The following CRELD1 variants were observed in gnomAD, a reference collection of about 807,000 sequenced individuals.
CRELD1 encodes the protein CRELD disulfide isomerase 1, also known as protein disulfide isomerase CRELD1.
In CRELD1, 42 loss-of-function variants were observed where a neutral mutation model predicts 58.2. The observed-to-expected ratio is 0.72, with a 90% CI of 0.56 to 0.93. The LOEUF is 0.93. CRELD1 is among the 40% of genes least tolerant of loss of function. The pLI is 0.00. For missense variants in CRELD1, 500 were observed against 540.6 expected, an observed-to-expected ratio of 0.92 and a Z score of 0.74; for synonymous variants, 222 against 202.0, an observed-to-expected ratio of 1.10 and a Z score of -0.84.
rs927569038 is a variant in CRELD1 at position 9,945,361 on chromosome 3, A to G, written c.*782A>G. 6.6e-6 allele frequency: 1 copy of G among 152,528 alleles called. No individual in the cohort carries two copies. The highest frequency in any genetic ancestry group is 1.5e-5 in the Non-Finnish European group (1 of 68,248). 9.4% of individuals were successfully genotyped at this position (152,528 alleles called of 1,614,324 possible). ...TGTGAAGACCTGGACAGTACACAAC[A>G]GATATTCAATAAAAGTGTGGTCGCC... On this transcript the variant is annotated 3_prime_UTR_variant, in exon 11 of 11. Coordinates refer to ENST00000452070, the MANE Select transcript of CRELD1 (RefSeq NM_001077415.3).
intron 10 of CRELD1, chr3:9,944,034 A>G (rs1459158499): frequency 2.4e-6 from 2 of 845,360 alleles, no homozygotes; most frequent in Admixed American, 3.4e-5. Flanking sequence ...CTATATGGCA[A>G]GCAAGTCGCA....
At chr3:9,939,475 T>C (rs2085286903) in intron 5 of CRELD1, among the ~76,000 whole-genome samples, 1 of 152,200 alleles carries the variant, frequency 6.6e-6, no homozygotes, top group Non-Finnish European at 1.5e-5. Flanking sequence ...CAGAGGACCC[T>C]GCGGCCTTCC....
chr3:9,940,651 G>A (rs905299630), intron 5 of CRELD1, among the ~76,000 whole-genome samples, 199 bp from the exon 6 acceptor site: 2 of 124,050 alleles, frequency 1.6e-5, no homozygotes, highest in Non-Finnish European at 3.6e-5. Context: ...ATCAGAGGGA[G>A]ACCGTGTAAA....
chr3:9,936,383 T>A (rs1280512586), intron 3 of CRELD1: 1 of 152,130 alleles, frequency 6.6e-6, no homozygotes, highest in Non-Finnish European at 1.5e-5. Context: ...CTTGCTTTTT[T>A]AAATCACCTC....
At chr3:9,941,261 C>T in intron 7 of CRELD1, 55 bp downstream of exon 7, 2 of 1,482,486 alleles carry the variant, frequency 1.3e-6, no homozygotes, top group Admixed American at 1.8e-5. Context: ...GGGCTTGGTC[C>T]TTTATTCTCT....
intron 10 of CRELD1, 185 bp downstream of exon 10, chr3:9,943,700 T>G: frequency 5.1e-6 from 5 of 985,336 alleles, no homozygotes; most frequent in Non-Finnish European, 6.0e-6. Context: ...CCTTATACCT[T>G]CCAGGGTACA....
chr3:9,938,872 G>T lies in CRELD1; in HGVS notation c.460+766G>T, dbSNP rs529037941. The stretch of plus-strand genomic sequence containing the variant: ...GAGACTCTGTCTCAAAAAAAAAAAA[G>T]AAAATATTTGGTCCAGTGGCTCGTA... On this transcript the variant is annotated intron_variant, in intron 5 of 10. Coordinates refer to ENST00000452070, the MANE Select transcript of CRELD1 (RefSeq NM_001077415.3). Among the ~76,000 whole-genome samples the T allele has an allele frequency of 1.6e-3, 232 of 149,146 alleles. 1 individual carries two copies. Among genetic ancestry groups the T allele is most frequent in the African/African-American group, 5.5e-3 (222 of 40,260 alleles).
chr3:9,939,939 G>C (rs2085303710), intron 5 of CRELD1, among the ~76,000 whole-genome samples: 1 of 151,866 alleles, frequency 6.6e-6, no homozygotes, highest in African/African-American at 2.4e-5. Flanking sequence ...CCTCCCGGAC[G>C]GGGCGGCTGG....
chr3:9,934,915 C>T lies in CRELD1; in HGVS notation c.255C>T (p.Asp85=), dbSNP rs939488890. 2 of 1,609,428 alleles carry T rather than the reference C, an allele frequency of 1.2e-6. No homozygotes were observed. Among genetic ancestry groups the T allele is most frequent in the Non-Finnish European group, 1.7e-6 (2 of 1,177,684 alleles). ...WEEENLSKYK[D]SETRLVEVLE... is the part of the protein sequence containing the mutation. ...AAGAGAATTTGTCCAAATACAAAGA[C>T]AGGTAAGGGGCTGCTGGGGGAAGGG... The change falls in exon 3 of 11, where the codon GAC becomes GAT. Residue 85 remains aspartate (D), a splice_region_variant and synonymous_variant. Coordinates refer to ENST00000452070, the MANE Select transcript of CRELD1 (RefSeq NM_001077415.3).
intron 5 of CRELD1, among the ~76,000 whole-genome samples, chr3:9,939,988 G>C (rs1230576147): frequency 6.6e-6 from 1 of 152,078 alleles, no homozygotes; most frequent in Admixed American, 6.5e-5. Flanking sequence ...CCTCCCGGAC[G>C]GGCTGGCTGC....
chr3:9,934,485 G>T lies in CRELD1; in HGVS notation c.47G>T (p.Gly16Val). The T allele has an allele frequency of 4.3e-6, 7 of 1,613,646 alleles. No homozygotes were observed. The highest frequency in any genetic ancestry group is 1.3e-5 in the African/African-American group (1 of 74,994). Residue 16 changes from glycine to valine, a missense_variant, in exon 2 of 11, where the codon GGC becomes GTC. Coordinates refer to ENST00000452070, the MANE Select transcript of CRELD1 (RefSeq NM_001077415.3). ...PKGLVPAMLW[G>V]LSLFLNLPGP... ...GGCCTAGTCCCAGCTATGCTCTGGGGCCTCAGCCTCTTCCTCAACCTCCCA... is the reference window on the plus strand; with the variant it reads ...GGCCTAGTCCCAGCTATGCTCTGGGTCCTCAGCCTCTTCCTCAACCTCCCA...
chr3:9,937,469 T>C lies in CRELD1; in HGVS notation c.258-93T>C, dbSNP rs2085225875. On this transcript the variant is annotated intron_variant, in intron 3 of 10. Coordinates refer to ENST00000452070, the MANE Select transcript of CRELD1 (RefSeq NM_001077415.3). ...ATACCTCATGGCCTCTCCTTTGATA[T>C]TTTCACCGCACGAGGAAGGGTGGAG... 14 of 852,992 alleles carry C rather than the reference T, an allele frequency of 1.6e-5. No individual in the cohort carries two copies. In the East Asian group the frequency reaches 3.3e-4, roughly 20 times the overall value. 52.8% of individuals were successfully genotyped at this position (852,992 alleles called of 1,614,324 possible).
At position 9,937,585 on chromosome 3, in the gene CRELD1, T is replaced by C; in HGVS notation, c.281T>C (p.Leu94Pro). ...AGTGAGACCCGCCTGGTAGAGGTGCTGGAGGGTGTGTGCAGCAAGTCAGAC... is the reference window on the plus strand; with the variant it reads ...AGTGAGACCCGCCTGGTAGAGGTGCCGGAGGGTGTGTGCAGCAAGTCAGAC... Reference protein sequence around the residue: ...KDSETRLVEVLEGVCSKSDFE... With the variant: ...KDSETRLVEVPEGVCSKSDFE... Residue 94 changes from leucine (L) to proline (P), a missense_variant, in exon 4 of 11, where the codon CTG becomes CCG. Physicochemically the swap from Leu to Pro is moderately conservative, Grantham distance 98. Transcript: ENST00000452070. 6.2e-7 allele frequency: 1 copy of C among 1,612,144 alleles called. No homozygotes were observed. The highest frequency in any genetic ancestry group is 8.5e-7 in the Non-Finnish European group (1 of 1,179,596).
chr3:9,938,334 T>A (rs2085252500), intron 5 of CRELD1: 2 of 551,360 alleles, frequency 3.6e-6, no homozygotes, highest in Non-Finnish European at 6.5e-6. Context: ...GTTATCATCA[T>A]GTACTAAAGA....
Position 9,944,898 on chromosome 3 carries a change from G to A in CRELD1, c.*319G>A. 1 of 411,634 alleles carries A rather than the reference G, an allele frequency of 2.4e-6. No homozygotes were observed. Among genetic ancestry groups the A allele is most frequent in the South Asian group, 2.2e-5 (1 of 45,878 alleles). The allele number at this position is 411,634 out of a possible 1,614,324, so 25.5% of individuals were successfully genotyped here. On this transcript the variant is annotated 3_prime_UTR_variant, in exon 11 of 11. Coordinates refer to ENST00000452070, the MANE Select transcript of CRELD1 (RefSeq NM_001077415.3). ...TGCTTAGGATTAGGTGGTCCTCACA[G>A]GGGTGGGGCCATCACAGCTCCCTCC...
In CRELD1 at chr3:9,934,626, C is replaced by T; in HGVS notation, c.174+14C>T. On this transcript the variant is annotated intron_variant, in intron 2 of 10. Coordinates refer to ENST00000452070, the MANE Select transcript of CRELD1 (RefSeq NM_001077415.3). ...AGCTTTAACAAGGTGGGTGCACCGG[C>T]AGCCTCGTTAGAGGGGAACACAGCG... The T allele has an allele frequency of 6.2e-7, 1 of 1,611,686 alleles. No individual in the cohort carries two copies. The highest frequency in any genetic ancestry group is 8.5e-7 in the Non-Finnish European group (1 of 1,178,004).
chr3:9,940,652 A>G (rs1308481506), intron 5 of CRELD1, among the ~76,000 whole-genome samples, 198 bp from the exon 6 acceptor site: 2 of 117,148 alleles, frequency 1.7e-5, no homozygotes, highest in African/African-American at 6.1e-5. Flanking sequence ...TCAGAGGGAG[A>G]CCGTGTAAAG....
intron 7 of CRELD1, among the ~76,000 whole-genome samples, chr3:9,942,307 A>C (rs1559338238): frequency 1.3e-5 from 2 of 150,456 alleles, no homozygotes. Context: ...GTAGAGGTTT[A>C]TTTTTTTTTA....
intron 5 of CRELD1, 24 bp from the exon 6 acceptor site, chr3:9,940,826 A>G (rs975155345): frequency 1.2e-6 from 2 of 1,611,986 alleles, no homozygotes; most frequent in Non-Finnish European, 1.7e-6. Flanking sequence ...AGATGACCTC[A>G]CCTGGTTTGG....
Sources: gnomAD v4.1 joint callset for allele counts (sites outside exome capture counted in the v4.1 genomes callset) on GRCh38, gnomAD v4.1.1 for gene constraint, MANE v1.5 for transcripts, NCBI Gene and HGNC (gene_info 2026-07-23, HGNC 2026-07-21) for gene names.